The following SLC25A26 variants were observed in gnomAD, a reference collection of about 807,000 sequenced individuals.
SLC25A26 encodes the protein mitochondrial S-adenosylmethionine carrier protein.
Under a neutral mutation model 37.8 loss-of-function variants are expected in SLC25A26, and 36 were observed. The observed-to-expected ratio is 0.95, with a 90% CI of 0.73 to 1.26. SLC25A26 has a LOEUF of 1.26. SLC25A26 is among the 50% of genes most tolerant of loss of function. The pLI is 0.00. For missense variants in SLC25A26, 390 were observed against 331.1 expected, an observed-to-expected ratio of 1.18 and a Z score of -1.38; for synonymous variants, 129 against 122.5, an observed-to-expected ratio of 1.05 and a Z score of -0.35.
chr3:66,350,725 T>C (rs1575598238), intron 6 of SLC25A26, among the ~76,000 whole-genome samples: 1 of 151,884 alleles, frequency 6.6e-6, no homozygotes. Context: ...AGCGCGCGCG[T>C]GCGCGCACAC....
chr3:66,140,379 C>T lies in SLC25A26; in HGVS notation c.-354+6395C>T, dbSNP rs535056783. 5.1e-4 allele frequency among the ~76,000 whole-genome samples: 78 copies of T among 152,182 alleles called. No individual in the cohort carries two copies. In the South Asian group the frequency reaches 0.016, roughly 31 times the overall value. On this transcript the variant is annotated intron_variant, in intron 1 of 10. Coordinates refer to the SLC25A26 transcript ENST00000676754. ...TTGGTGGAGTTTGTGGATAGCATCA[C>T]CAAGACAGCTAGACTAGGAGAGGGT...
chr3:66,240,818 T>A (rs2072544025), intron 2 of SLC25A26, among the ~76,000 whole-genome samples: 1 of 149,034 alleles, frequency 6.7e-6, no homozygotes, highest in Non-Finnish European at 1.5e-5. Flanking sequence ...CGATCTTGGC[T>A]CACTGCAAGC....
chr3:66,299,147 C>G (rs1373808273), intron 5 of SLC25A26, among the ~76,000 whole-genome samples: 3 of 152,034 alleles, frequency 2.0e-5, no homozygotes, highest in African/African-American at 7.2e-5. Context: ...ATTTGATGTG[C>G]GTGTATATGC....
chr3:66,206,064 G>C (rs1298899159), intron 1 of SLC25A26, among the ~76,000 whole-genome samples: 9 of 152,296 alleles, frequency 5.9e-5, no homozygotes, highest in African/African-American at 2.2e-4. Flanking sequence ...CCCCATCAGA[G>C]GGAAGGCTGG....
At chr3:66,267,498 C>A (rs1576753393) in intron 5 of SLC25A26, among the ~76,000 whole-genome samples, 1 of 152,124 alleles carries the variant, frequency 6.6e-6, no homozygotes, top group Non-Finnish European at 1.5e-5. Context: ...CTTGAAAGAG[C>A]CTGACATGTG....
At chr3:66,301,256 T>C (rs951885123) in intron 5 of SLC25A26, among the ~76,000 whole-genome samples, 5 of 152,240 alleles carry the variant, frequency 3.3e-5, no homozygotes, top group African/African-American at 9.6e-5. Flanking sequence ...GTGAAGTTAA[T>C]TTACATACTA....
chr3:66,299,690 T>C (rs1455490353), intron 5 of SLC25A26, among the ~76,000 whole-genome samples: 1 of 152,202 alleles, frequency 6.6e-6, no homozygotes, highest in Non-Finnish European at 1.5e-5. Flanking sequence ...GAGTAACAGT[T>C]AAATGTCTCG....
At chr3:66,214,379 A>G (rs2071330661) in intron 1 of SLC25A26, among the ~76,000 whole-genome samples, 1 of 152,190 alleles carries the variant, frequency 6.6e-6, no homozygotes, top group Non-Finnish European at 1.5e-5. Flanking sequence ...TCTTTTCTTT[A>G]TATGTTACAC....
At chr3:66,365,549 C>T (rs551795469) in intron 7 of SLC25A26, among the ~76,000 whole-genome samples, 1 of 152,094 alleles carries the variant, frequency 6.6e-6, no homozygotes, top group African/African-American at 2.4e-5. Flanking sequence ...ATTTGGTACT[C>T]TAGTATATTT....
chr3:66,377,662 A>C, intron 9 of SLC25A26, 28 bp from the exon 10 acceptor site: 1 of 1,560,796 alleles, frequency 6.4e-7, no homozygotes, highest in Non-Finnish European at 8.8e-7. Flanking sequence ...AATACGCACA[A>C]CATTAAAAAT....
chr3:66,260,457 T>C (rs939382938), intron 3 of SLC25A26, among the ~76,000 whole-genome samples: 1 of 152,258 alleles, frequency 6.6e-6, no homozygotes, highest in African/African-American at 2.4e-5. Context: ...TGATATCGTT[T>C]TGTAAATCTT....
intron 1 of SLC25A26, among the ~76,000 whole-genome samples, chr3:66,221,458 G>A (rs1296883988): frequency 2.6e-5 from 4 of 152,094 alleles, no homozygotes; most frequent in African/African-American, 9.7e-5. Context: ...GAGATCTTGG[G>A]AATTAAAGAA....
intron 5 of SLC25A26, among the ~76,000 whole-genome samples, chr3:66,288,536 C>G (rs921050362): frequency 1.3e-5 from 2 of 152,040 alleles, no homozygotes; most frequent in African/African-American, 4.8e-5. Context: ...TCAATGTGTT[C>G]TCATTGTTCA....
chr3:66,293,280 A>G (rs2074778437), intron 5 of SLC25A26: 1 of 152,112 alleles, frequency 6.6e-6, no homozygotes, highest in Non-Finnish European at 1.5e-5. Context: ...TTTTACTTGT[A>G]CTTTGAATGG....
intron 1 of SLC25A26, among the ~76,000 whole-genome samples, chr3:66,226,184 A>G (rs960745856): frequency 5.9e-5 from 9 of 152,244 alleles, no homozygotes; most frequent in Admixed American, 3.3e-4. Flanking sequence ...ATGGACTAAC[A>G]GTTCCACATG....
At chr3:66,268,246 T>G (rs1488312962) in intron 5 of SLC25A26, among the ~76,000 whole-genome samples, 1 of 152,210 alleles carries the variant, frequency 6.6e-6, no homozygotes, top group Non-Finnish European at 1.5e-5. Context: ...TTATACATGG[T>G]TGAATGTTTG....
intron 5 of SLC25A26, among the ~76,000 whole-genome samples, chr3:66,285,309 G>A (rs1014624724): frequency 2.0e-5 from 3 of 151,634 alleles, no homozygotes; most frequent in Admixed American, 1.3e-4. Flanking sequence ...TGTAACAAGC[G>A]AAGTAAGGGG....
intron 5 of SLC25A26, among the ~76,000 whole-genome samples, chr3:66,292,254 G>T (rs867046136): frequency 6.6e-6 from 1 of 152,020 alleles, no homozygotes; most frequent in African/African-American, 2.4e-5. Flanking sequence ...TCTTTATCCA[G>T]TGTGCCATTC....
At chr3:66,160,122 C>T (rs752357759) in intron 1 of SLC25A26, among the ~76,000 whole-genome samples, 4 of 152,102 alleles carry the variant, frequency 2.6e-5, no homozygotes, top group Non-Finnish European at 5.9e-5. Flanking sequence ...CATGCCTCAG[C>T]CTCCCAAGTA....
Sources: gnomAD v4.1 joint callset for allele counts (sites outside exome capture counted in the v4.1 genomes callset) on GRCh38, gnomAD v4.1.1 for gene constraint, MANE v1.5 for transcripts, NCBI Gene and HGNC (gene_info 2026-07-23, HGNC 2026-07-21) for gene names.